Variants in TTBK2 observed in about 807,000 individuals in gnomAD.
The protein encoded by TTBK2 is tau tubulin kinase 2, also known as tau-tubulin kinase 2.
In TTBK2, 28 loss-of-function variants were observed where a neutral mutation model predicts 110.8. That is an observed-to-expected ratio of 0.25 (90% CI 0.19 to 0.35). The LOEUF (loss-of-function observed/expected upper bound fraction) is 0.35. Among genes scored for constraint, TTBK2 ranks in the 10% least tolerant of loss-of-function variants. The pLI, the probability that TTBK2 is intolerant of heterozygous loss-of-function variation, is 1.00. For synonymous variants in TTBK2, 532 were observed against 527.3 expected, an observed-to-expected ratio of 1.01 and a Z score of -0.12; for missense variants, 1,369 against 1,500.3, an observed-to-expected ratio of 0.91 and a Z score of 1.45.
At chr15:42,787,999 T>C (rs1349092803) in intron 10 of TTBK2, among the ~76,000 whole-genome samples, 1 of 152,188 alleles carries the variant, frequency 6.6e-6, no homozygotes, top group Non-Finnish European at 1.5e-5. Context: ...CATGTCACTG[T>C]TCTGAATACT....
At chr15:42,911,319 G>C (rs770343466) in intron 1 of TTBK2, among the ~76,000 whole-genome samples, 5 of 152,132 alleles carry the variant, frequency 3.3e-5, no homozygotes, top group Non-Finnish European at 7.3e-5. Context: ...AGGTAGGACT[G>C]TGCTGGGCAC....
intron 4 of TTBK2, among the ~76,000 whole-genome samples, chr15:42,831,593 G>A (rs912206736): frequency 2.6e-5 from 4 of 152,198 alleles, no homozygotes; most frequent in Middle Eastern, 3.2e-3. Flanking sequence ...GAGGTTCAAA[G>A]AGGTTAAATA....
intron 7 of TTBK2, 44 bp from the exon 8 acceptor site, chr15:42,811,824 G>T: frequency 6.4e-7 from 1 of 1,554,064 alleles, no homozygotes; most frequent in Non-Finnish European, 8.9e-7. Flanking sequence ...ATTATTACTT[G>T]TGAGTACATT....
Position 42,783,627 on chromosome 15 carries a change from T to A in TTBK2, c.989A>T (p.Asn330Ile). ...CAAGTCTCCAGGGATGGGAGTAGCATTGGCAATTCTACATATGAAGGGAGA... is the reference window on the plus strand; with the variant it reads ...CAAGTCTCCAGGGATGGGAGTAGCAATGGCAATTCTACATATGAAGGGAGA... ...RLTPAAIGIA[N>I]ATPIPGDLLR... is the part of the protein sequence containing the mutation. Residue 330 changes from asparagine to isoleucine, a missense_variant, in exon 11 of 15, where the codon AAT becomes ATT. Asn to Ile is a moderately radical substitution (Grantham distance 149). Coordinates refer to ENST00000267890, the MANE Select transcript of TTBK2 (RefSeq NM_173500.4). 6.2e-7 allele frequency: 1 copy of A among 1,613,656 alleles called. No individual in the cohort carries two copies. Among genetic ancestry groups the A allele is most frequent in the East Asian group, 2.2e-5 (1 of 44,870 alleles).
intron 13 of TTBK2, 61 bp from the exon 14 acceptor site, chr15:42,753,308 C>T: frequency 6.6e-7 from 1 of 1,505,978 alleles, no homozygotes; most frequent in South Asian, 1.2e-5. Context: ...AAGATGCATG[C>T]TTTGAGATTT....
At chr15:42,813,023 T>C (rs1196579354) in intron 7 of TTBK2, among the ~76,000 whole-genome samples, 1 of 151,854 alleles carries the variant, frequency 6.6e-6, no homozygotes, top group Non-Finnish European at 1.5e-5. Context: ...AAGTCTAATG[T>C]ATCAATTTGG....
chr15:42,816,458 C>G (rs897558888), intron 7 of TTBK2, among the ~76,000 whole-genome samples: 1 of 151,950 alleles, frequency 6.6e-6, no homozygotes, highest in African/African-American at 2.4e-5. Flanking sequence ...TAGCTATCGT[C>G]TTTTCTGGCA....
chr15:42,800,190 A>G (rs1460320463), intron 9 of TTBK2: 3 of 404,170 alleles, frequency 7.4e-6, no homozygotes, highest in African/African-American at 6.4e-5. Flanking sequence ...GTTAATTCTA[A>G]AACTTTTATA....
intron 6 of TTBK2, among the ~76,000 whole-genome samples, chr15:42,818,294 C>T (rs1892126541): frequency 6.6e-6 from 1 of 152,174 alleles, no homozygotes; most frequent in Non-Finnish European, 1.5e-5. Flanking sequence ...AGAATATAAA[C>T]TCTGTGCGGG....
intron 10 of TTBK2, among the ~76,000 whole-genome samples, chr15:42,788,641 C>G (rs149907594): frequency 1.3e-5 from 2 of 152,144 alleles, no homozygotes; most frequent in South Asian, 4.1e-4. Context: ...AAAAAGTGCC[C>G]TTCCATCTTT....
intron 3 of TTBK2, 88 bp from the exon 4 acceptor site, chr15:42,840,521 G>T: frequency 8.6e-7 from 1 of 1,163,394 alleles, no homozygotes; most frequent in Non-Finnish European, 1.3e-6. Context: ...AGTGTTTTAT[G>T]ATTGAATATA....
intron 1 of TTBK2, among the ~76,000 whole-genome samples, chr15:42,881,042 G>C (rs1340971748): frequency 6.6e-6 from 1 of 151,902 alleles, no homozygotes; most frequent in Non-Finnish European, 1.5e-5. Context: ...AGCACTTTGG[G>C]AGGCCAAGAC....
intron 10 of TTBK2, among the ~76,000 whole-genome samples, chr15:42,790,500 G>A (rs1215733676): frequency 6.6e-6 from 1 of 151,866 alleles, no homozygotes; most frequent in Non-Finnish European, 1.5e-5. Context: ...GCCCAGGATG[G>A]TCTCAAACTC....
At chr15:42,897,101 A>G (rs1895696787) in intron 1 of TTBK2, among the ~76,000 whole-genome samples, 1 of 150,342 alleles carries the variant, frequency 6.7e-6, no homozygotes. Context: ...CTAGTCTTGA[A>G]CTCTTGACCT....
At chr15:42,800,376 C>T (rs1348826182) in intron 9 of TTBK2, 2 of 383,818 alleles carry the variant, frequency 5.2e-6, no homozygotes, top group African/African-American at 4.3e-5. Flanking sequence ...CACACAATGC[C>T]TTAGGGAAGC....
intron 1 of TTBK2, among the ~76,000 whole-genome samples, chr15:42,885,084 C>T (rs1456268174): frequency 6.6e-6 from 1 of 152,220 alleles, no homozygotes; most frequent in Non-Finnish European, 1.5e-5. Context: ...CCCTTGCTGA[C>T]TCTCTTTTCG....
chr15:42,778,930 T>C (rs779390035), intron 11 of TTBK2, among the ~76,000 whole-genome samples: 2 of 152,060 alleles, frequency 1.3e-5, no homozygotes, highest in African/African-American at 2.4e-5. Flanking sequence ...AAGATAAATA[T>C]ATGCTTAGAA....
intron 9 of TTBK2, chr15:42,801,536 C>T (rs1295293942): frequency 3.9e-6 from 3 of 767,012 alleles, no homozygotes; most frequent in African/African-American, 1.7e-5. Flanking sequence ...ATGCTTCTGA[C>T]CCAGCGTCTG....
chr15:42,887,379 C>T (rs1430407281), intron 1 of TTBK2, among the ~76,000 whole-genome samples: 1 of 152,060 alleles, frequency 6.6e-6, no homozygotes, highest in Non-Finnish European at 1.5e-5. Flanking sequence ...GTATAGGATA[C>T]CTCTACTCCC....
Sources: gnomAD v4.1 joint callset for allele counts (sites outside exome capture counted in the v4.1 genomes callset) on GRCh38, gnomAD v4.1.1 for gene constraint, MANE v1.5 for transcripts, NCBI Gene and HGNC (gene_info 2026-07-23, HGNC 2026-07-21) for gene names.